The following ANK1 variants were observed in gnomAD, a reference collection of about 807,000 sequenced individuals.
The protein encoded by ANK1 is ankyrin-1.
ANK1 carries 51 observed loss-of-function variants against 210.4 expected under a neutral mutation model. The ratio of observed to expected loss-of-function variants is 0.24; its 90% CI spans 0.19 to 0.31. ANK1 has a LOEUF of 0.31. ANK1 is among the 10% of genes least tolerant of loss of function. The probability of loss-of-function intolerance (pLI) is 1.00; values close to 1 mark genes in which losing one functional copy is unlikely to be tolerated. For synonymous variants in ANK1, 967 were observed against 1,025.9 expected, an observed-to-expected ratio of 0.94 and a Z score of 1.10; for missense variants, 2,051 against 2,504.4, an observed-to-expected ratio of 0.82 and a Z score of 3.86.
At chr8:41,683,097 C>G (rs142481602) in intron 37 of ANK1, among the ~76,000 whole-genome samples, 2 of 151,886 alleles carry the variant, frequency 1.3e-5, no homozygotes, top group African/African-American at 4.9e-5. Context: ...CACACATGCA[C>G]GCACACATGC....
At position 41,778,754 on chromosome 8, in the gene ANK1, C is replaced by T. The variant is rs554692411; in HGVS notation, c.27+18758G>A. On this transcript the variant is annotated intron_variant, in intron 1 of 42. Transcript: ENST00000289734. ...GAGGTTGGAGGGAGTTTCCATCCCT[C>T]ACAAAGATTTTATACAAAGAGGAAA... is the stretch of plus-strand genomic sequence containing the variant. Among the ~76,000 whole-genome samples, 5 of 152,254 alleles carry T rather than the reference C, an allele frequency of 3.3e-5. No homozygotes were observed. In the South Asian group the frequency reaches 8.3e-4, roughly 25 times the overall value.
chr8:41,879,645 T>G (rs1316191725), intron 1 of ANK1, among the ~76,000 whole-genome samples: 2 of 152,194 alleles, frequency 1.3e-5, no homozygotes, highest in Non-Finnish European at 1.5e-5. Flanking sequence ...GGACAGATTC[T>G]CTTTCATCCA....
chr8:41,883,078 G>C (rs1280618095), intron 1 of ANK1, among the ~76,000 whole-genome samples: 1 of 152,236 alleles, frequency 6.6e-6, no homozygotes, highest in Non-Finnish European at 1.5e-5. Context: ...CTCAGCGAGA[G>C]ACAGAGTCTT....
intron 39 of ANK1, among the ~76,000 whole-genome samples, chr8:41,666,650 T>C (rs1810640390): frequency 6.6e-6 from 1 of 152,224 alleles, no homozygotes; most frequent in Non-Finnish European, 1.5e-5. Flanking sequence ...GAAATACTAA[T>C]AAGTGGGTGC....
chr8:41,758,510 T>TC (rs1839722308), intron 1 of ANK1, among the ~76,000 whole-genome samples: 1 of 141,908 alleles, frequency 7.0e-6, no homozygotes, highest in Non-Finnish European at 1.5e-5. Context: ...TTTTTTAAAC[T>TC]TTTTTTTTTT....
chr8:41,774,552 C>G (rs1216680332), intron 1 of ANK1, among the ~76,000 whole-genome samples: 1 of 152,242 alleles, frequency 6.6e-6, no homozygotes, highest in Non-Finnish European at 1.5e-5. Context: ...CCAACCTGCC[C>G]TGCCCATCCT....
intron 39 of ANK1, among the ~76,000 whole-genome samples, chr8:41,666,839 G>A (rs1399498005): frequency 6.6e-6 from 1 of 152,216 alleles, no homozygotes; most frequent in Non-Finnish European, 1.5e-5. Context: ...TGAGGGATCT[G>A]GACCCTCCTG....
intron 22 of ANK1, 97 bp from the exon 23 acceptor site, chr8:41,699,645 G>A: frequency 8.6e-7 from 1 of 1,161,130 alleles, no homozygotes. Flanking sequence ...CTGGGGGCTT[G>A]CTCCTGAGGA....
intron 26 of ANK1, 114 bp downstream of exon 26, chr8:41,696,249 G>T: frequency 8.2e-7 from 1 of 1,221,042 alleles, no homozygotes; most frequent in Non-Finnish European, 1.2e-6. Context: ...GTCAGGAAAA[G>T]TCAGGGAAAG....
chr8:41,773,330 A>G (rs1319602573), intron 1 of ANK1, among the ~76,000 whole-genome samples: 1 of 152,070 alleles, frequency 6.6e-6, no homozygotes, highest in Non-Finnish European at 1.5e-5. Context: ...CCTGGAGTCT[A>G]TTTTTAAACC....
intron 1 of ANK1, among the ~76,000 whole-genome samples, chr8:41,788,308 A>C (rs1846853890): frequency 6.6e-6 from 1 of 152,186 alleles, no homozygotes; most frequent in Non-Finnish European, 1.5e-5. Flanking sequence ...ACAAGTGAAC[A>C]AGAACACAGA....
intron 1 of ANK1, among the ~76,000 whole-genome samples, chr8:41,853,689 G>A (rs1811663803): frequency 6.6e-6 from 1 of 152,062 alleles, no homozygotes; most frequent in South Asian, 2.1e-4. Context: ...TACCTATAGA[G>A]GCTGGGCATT....
chr8:41,696,244 G>A (rs1040910065), intron 26 of ANK1, 119 bp downstream of exon 26: 12 of 1,172,154 alleles, frequency 1.0e-5, no homozygotes, highest in Admixed American at 1.8e-5. Context: ...CGTGTGTCAG[G>A]AAAAGTCAGG....
At chr8:41,794,467 C>T (rs992170547) in intron 1 of ANK1, among the ~76,000 whole-genome samples, 4 of 152,180 alleles carry the variant, frequency 2.6e-5, no homozygotes, top group Admixed American at 6.5e-5. Flanking sequence ...ACTCCCCACA[C>T]ATCCTATTTC....
chr8:41,880,529 T>C (rs1817391763), intron 1 of ANK1, among the ~76,000 whole-genome samples: 1 of 152,136 alleles, frequency 6.6e-6, no homozygotes, highest in Admixed American at 6.5e-5. Flanking sequence ...GATGAGTAGG[T>C]TGTCTTTGAA....
At chr8:41,842,368 C>T (rs1405193193) in intron 1 of ANK1, among the ~76,000 whole-genome samples, 1 of 152,004 alleles carries the variant, frequency 6.6e-6, no homozygotes, top group Non-Finnish European at 1.5e-5. Context: ...TGGTGGGCGC[C>T]TATAATCCCA....
At chr8:41,722,992 T>C in intron 9 of ANK1, 133 bp downstream of exon 9, 2 of 844,396 alleles carry the variant, frequency 2.4e-6, no homozygotes, top group Admixed American at 2.0e-5. Flanking sequence ...ATAGGCCTTG[T>C]AATAAATGTC....
chr8:41,697,651 G>A (rs74908407), intron 24 of ANK1: 1 of 348,062 alleles, frequency 2.9e-6, no homozygotes, highest in East Asian at 7.2e-5. Flanking sequence ...GGAGGCAGGT[G>A]TCCAGCCCTC....
upstream of ANK1, among the ~76,000 whole-genome samples, chr8:41,798,787 C>T (rs1293064192): frequency 6.6e-6 from 1 of 152,160 alleles, no homozygotes; most frequent in Non-Finnish European, 1.5e-5. Context: ...GCCTCTGGTG[C>T]AGTCCTCCCT....
Sources: gnomAD v4.1 joint callset for allele counts (sites outside exome capture counted in the v4.1 genomes callset) on GRCh38, gnomAD v4.1.1 for gene constraint, MANE v1.5 for transcripts, NCBI Gene and HGNC (gene_info 2026-07-23, HGNC 2026-07-21) for gene names.